Variants in WLS observed in about 807,000 individuals in gnomAD.
WLS encodes the protein protein wntless homolog.
WLS carries 23 observed loss-of-function variants against 62.8 expected under a neutral mutation model. The ratio of observed to expected loss-of-function variants is 0.37; its 90% CI spans 0.26 to 0.52. The LOEUF is 0.52. Among genes scored for constraint, WLS ranks in the 20% least tolerant of loss-of-function variants. The pLI is 0.92. For synonymous variants in WLS, 246 were observed against 244.1 expected (o/e 1.01, Z -0.07); for missense variants, 615 against 697.3 (o/e 0.88, Z 1.33).
intron 1 of WLS, among the ~76,000 whole-genome samples, chr1:68,225,799 C>T (rs1650117830): frequency 6.6e-6 from 1 of 152,212 alleles, no homozygotes; most frequent in Admixed American, 6.5e-5. Flanking sequence ...CCAACCTCCA[C>T]TGATTCTTTC....
At chr1:68,141,256 A>G (rs1646682046) in intron 10 of WLS, among the ~76,000 whole-genome samples, 1 of 152,142 alleles carries the variant, frequency 6.6e-6, no homozygotes, top group Admixed American at 6.5e-5. Flanking sequence ...GATCACACAC[A>G]CACAAAAGAG....
intron 2 of WLS, among the ~76,000 whole-genome samples, chr1:68,164,463 G>A (rs921414997): frequency 6.2e-4 from 95 of 152,092 alleles, no homozygotes; most frequent in African/African-American, 2.1e-3. Flanking sequence ...TATCCATGGT[G>A]GTCAGGCTGG....
chr1:68,173,139 A>T (rs948102726), intron 2 of WLS, among the ~76,000 whole-genome samples: 1 of 152,244 alleles, frequency 6.6e-6, no homozygotes, highest in African/African-American at 2.4e-5. Flanking sequence ...TTTACCAAAG[A>T]ATCTGAACCC....
At chr1:68,105,207 C>A (rs144004648) in intron 11 of WLS, among the ~76,000 whole-genome samples, 3 of 152,320 alleles carry the variant, frequency 2.0e-5, no homozygotes, top group African/African-American at 7.2e-5. Context: ...GTTGAAGCAG[C>A]ATAAGTAGTT....
intron 2 of WLS, among the ~76,000 whole-genome samples, chr1:68,187,890 T>C (rs1038704777): frequency 6.6e-6 from 1 of 152,246 alleles, no homozygotes; most frequent in Non-Finnish European, 1.5e-5. Flanking sequence ...TATCCTTTTT[T>C]CAATTTTGGT....
intron 2 of WLS, among the ~76,000 whole-genome samples, chr1:68,178,578 C>T (rs189828073): frequency 7.2e-5 from 11 of 152,126 alleles, no homozygotes; most frequent in East Asian, 1.9e-4. Context: ...TGGTGGCACA[C>T]GCCTGTAATC....
chr1:68,200,919 G>T (rs1648977985), intron 1 of WLS, among the ~76,000 whole-genome samples: 4 of 152,070 alleles, frequency 2.6e-5, no homozygotes, highest in African/African-American at 2.4e-5. Context: ...AAGGTGGGGA[G>T]GGTCGAAAAG....
chr1:68,129,212 C>T lies in WLS; in HGVS notation c.1517-2877G>A, dbSNP rs950648787. 1.1e-4 allele frequency among the ~76,000 whole-genome samples: 17 copies of T among 152,226 alleles called. No homozygotes were observed. The East Asian group carries it at 2.5e-3, about 23-fold the overall frequency. ...GGTGGCGCATGCCTGTAAGTCCCAG[C>T]TACTCAGTAGGCTCAGGCAGAAGAA... On this transcript the variant is annotated intron_variant, in intron 11 of 11. Transcript: ENST00000262348.
chr1:68,159,264 G>GCA lies in WLS; in HGVS notation c.380-19_380-18dup. 2 of 1,608,292 alleles carry GCA rather than the reference G, an allele frequency of 1.2e-6. No homozygotes were observed. The highest frequency in any genetic ancestry group is 8.5e-7 in the Non-Finnish European group (1 of 1,178,308). On this transcript the variant is annotated splice_polypyrimidine_tract_variant and intron_variant, in intron 2 of 11. Coordinates refer to ENST00000262348, the MANE Select transcript of WLS (RefSeq NM_024911.7). ...CATTTTCTCCTGCAAGAGAAAGGAT[G>GCA]CACGTTTCAGAAATGACTTTTGGAA...
At chr1:68,099,093 C>T (rs1380909459) in intron 11 of WLS, among the ~76,000 whole-genome samples, 2 of 152,202 alleles carry the variant, frequency 1.3e-5, no homozygotes, top group Non-Finnish European at 2.9e-5. Context: ...CCCCTCATCC[C>T]CACTTTCTCT....
At chr1:68,133,694 T>C (rs1646564230) in intron 11 of WLS, among the ~76,000 whole-genome samples, 1 of 152,240 alleles carries the variant, frequency 6.6e-6, no homozygotes, top group South Asian at 2.1e-4. Context: ...TGGCCCACTT[T>C]GTTCTTCTCT....
intron 2 of WLS, among the ~76,000 whole-genome samples, chr1:68,191,073 AAAAT>A (rs1352703300): frequency 1.3e-5 from 2 of 152,188 alleles, no homozygotes; most frequent in East Asian, 3.9e-4. Context: ...AAAAAAAAAA[AAAAT>A]GTTTATAGTT....
intron 6 of WLS, among the ~76,000 whole-genome samples, chr1:68,149,550 C>T (rs561647103): frequency 3.9e-5 from 6 of 152,304 alleles, no homozygotes; most frequent in African/African-American, 9.6e-5. Flanking sequence ...ATGTGCCTGA[C>T]GTGAAGACCA....
intron 11 of WLS, among the ~76,000 whole-genome samples, chr1:68,114,250 G>A (rs1175719575): frequency 1.3e-5 from 2 of 152,196 alleles, no homozygotes; most frequent in Non-Finnish European, 2.9e-5. Context: ...GAAAGATAGA[G>A]GGACTCGGAG....
chr1:68,126,246 G>A lies in WLS; in HGVS notation c.1606C>T (p.Arg536Cys), dbSNP rs773311381. ...GCCTCCTACTCCTGGGCCTCCTTGC[G>A]GGTCAACTTGTAGATCTCAGTGGGT... ...DGPTEIYKLT[R>C]KEAQE The change falls in exon 12 of 12, where the codon CGC becomes TGC. Residue 536 changes from arginine (R) to cysteine (C), a missense_variant. Arg to Cys is a radical substitution (Grantham distance 180). Coordinates refer to ENST00000262348, the MANE Select transcript of WLS (RefSeq NM_024911.7). 3.1e-6 allele frequency: 5 copies of A among 1,614,138 alleles called. No homozygotes were observed. The highest frequency in any genetic ancestry group is 4.2e-6 in the Non-Finnish European group (5 of 1,180,028).
intron 2 of WLS, chr1:68,163,054 G>T (rs998348972): frequency 9.3e-5 from 147 of 1,576,898 alleles, no homozygotes; most frequent in Admixed American, 1.5e-4. Flanking sequence ...CTGTCCAATT[G>T]CTGTCTCTTG....
chr1:68,183,898 C>T (rs1647746524), intron 2 of WLS, among the ~76,000 whole-genome samples: 1 of 151,872 alleles, frequency 6.6e-6, no homozygotes, highest in South Asian at 2.1e-4. Flanking sequence ...TCACTTGCCA[C>T]TTATAGAAAG....
intron 4 of WLS, among the ~76,000 whole-genome samples, chr1:68,154,037 A>T (rs1646863036): frequency 6.6e-6 from 1 of 152,108 alleles, no homozygotes; most frequent in African/African-American, 2.4e-5. Context: ...ATACCTAAAG[A>T]TACACTTTAG....
intron 11 of WLS, among the ~76,000 whole-genome samples, chr1:68,115,575 G>GTA (rs1646280970): frequency 6.6e-6 from 1 of 152,144 alleles, no homozygotes; most frequent in African/African-American, 2.4e-5. Flanking sequence ...TTGGTAATTG[G>GTA]TATAAATGAA....
Sources: allele counts gnomAD v4.1 joint callset (sites outside exome capture counted in the v4.1 genomes callset), GRCh38; gene constraint gnomAD v4.1.1; transcripts MANE v1.5; gene names NCBI Gene and HGNC (gene_info 2026-07-23, HGNC 2026-07-21).